ITGAX: variants seen among roughly 807,000 people sequenced by gnomAD.
ITGAX encodes integrin alpha-X.
In ITGAX, 99 loss-of-function variants were observed where a neutral mutation model predicts 140.2. That is an observed-to-expected ratio of 0.71 (90% confidence interval 0.60 to 0.83). The LOEUF is 0.83. Among genes scored for constraint, ITGAX ranks in the 40% least tolerant of loss-of-function variants. ITGAX has a pLI of 0.00. For missense variants in ITGAX, 1,444 were observed against 1,482.0 expected, an observed-to-expected ratio of 0.97 and a Z score of 0.42; for synonymous variants, 631 against 600.4, an observed-to-expected ratio of 1.05 and a Z score of -0.75.
At chr16:31,380,808 A>G in intron 28 of ITGAX, 89 bp from the exon 29 acceptor site, 3 of 1,311,094 alleles carry the variant, frequency 2.3e-6, no homozygotes, top group Non-Finnish European at 3.3e-6. Flanking sequence ...CTGGGGAAGG[A>G]GGGGAGGGAG....
At chr16:31,361,726 C>A in intron 9 of ITGAX, 110 bp from the exon 10 acceptor site, 1 of 1,198,520 alleles carries the variant, frequency 8.3e-7, no homozygotes, top group Non-Finnish European at 1.2e-6. Flanking sequence ...GTCACAGGCA[C>A]CAGCTCTCCC....
intron 19 of ITGAX, 148 bp from the exon 20 acceptor site, chr16:31,373,101 A>AAG: frequency 4.2e-6 from 2 of 479,812 alleles, no homozygotes; most frequent in South Asian, 4.8e-5. Flanking sequence ...TCTTAAAAAA[A>AAG]AAGAAGAAGA....
At chr16:31,363,479 C>A in intron 14 of ITGAX, 105 bp downstream of exon 14, 1 of 1,312,750 alleles carries the variant, frequency 7.6e-7, no homozygotes, top group Non-Finnish European at 1.1e-6. Flanking sequence ...ACCTCCCTTG[C>A]CCAGCTCTGA....
Position 31,372,527 on chromosome 16 carries a change from G to C in ITGAX, c.2292+18G>C, listed in dbSNP as rs2080979054. 2 of 1,611,552 alleles carry C rather than the reference G, an allele frequency of 1.2e-6. No individual in the cohort carries two copies. The highest frequency in any genetic ancestry group is 4.5e-5 in the East Asian group (2 of 44,834). ...CGGCCTCCGTGAGTCCTGGCACTGG[G>C]TCTCCCAGAGAGGGTGCACAGCGTG... On this transcript the variant is annotated intron_variant, in intron 18 of 29. Coordinates refer to ENST00000268296, the MANE Select transcript of ITGAX (RefSeq NM_000887.5).
At position 31,363,194 on chromosome 16, in the gene ITGAX, C is replaced by G. The variant is rs2080855177; in HGVS notation, c.1530C>G (p.Leu510=). 1.2e-6 allele frequency: 2 copies of G among 1,611,898 alleles called. No individual in the cohort carries two copies. Among genetic ancestry groups the G allele is most frequent in the Non-Finnish European group, 1.7e-6 (2 of 1,179,072 alleles). ...GAAGGTGGTGGTGTGATGCTGTTCT[C>G]TACGGGGAGCAGGGCCACCCCTGGG... ...GWRRWWCDAV[L]YGEQGHPWGR... Residue 510 remains leucine (L), a synonymous_variant, in exon 14 of 30, where the codon CTC becomes CTG. Coordinates refer to ENST00000268296, the MANE Select transcript of ITGAX (RefSeq NM_000887.5).
In ITGAX at chr16:31,357,258, C is replaced by CGGCTG; in HGVS notation, c.327_328insTGGGC (p.Pro110TrpfsTer48). ...GCAGCCCGCTGTGTCCCCAGGCCTG[C>CGGCTG]GGCCCCACCGTGCACCACGAGTGCG... On this transcript the variant is annotated frameshift_variant, in exon 5 of 30. Transcript: ENST00000268296. LOFTEE classifies it high-confidence loss of function. 1 of 1,601,062 alleles carries CGGCTG rather than the reference C, an allele frequency of 6.2e-7. No individual in the cohort carries two copies. Among genetic ancestry groups the CGGCTG allele is most frequent in the Non-Finnish European group, 8.5e-7 (1 of 1,173,928 alleles).
intron 20 of ITGAX, among the ~76,000 whole-genome samples, chr16:31,374,834 C>G (rs565059541): frequency 2.6e-5 from 4 of 152,196 alleles, no homozygotes; most frequent in Admixed American, 6.5e-5. Context: ...ACCCAATGTT[C>G]GTGTGTTGGA....
chr16:31,362,044 T>A (rs773448780), intron 10 of ITGAX, 31 bp from the exon 11 acceptor site: 1 of 1,613,934 alleles, frequency 6.2e-7, no homozygotes, highest in Admixed American at 1.7e-5. Context: ...TGCTCCGGCC[T>A]CTGCTCAGCC....
At chr16:31,375,158 G>A (rs2081008405) in intron 20 of ITGAX, among the ~76,000 whole-genome samples, 1 of 152,206 alleles carries the variant, frequency 6.6e-6, no homozygotes, top group South Asian at 2.1e-4. Flanking sequence ...TGGGATTACA[G>A]GTGCCCACTG....
intron 17 of ITGAX, 21 bp downstream of exon 17, chr16:31,371,805 G>A: frequency 6.2e-7 from 1 of 1,611,944 alleles, no homozygotes; most frequent in South Asian, 1.1e-5. Context: ...GCATGAACGT[G>A]GGTGGCGGCC....
At chr16:31,355,330 G>C (rs983516739) in intron 1 of ITGAX, 39 bp downstream of exon 1, 1 of 1,611,476 alleles carries the variant, frequency 6.2e-7, no homozygotes, top group African/African-American at 1.3e-5. Flanking sequence ...TGGGGACCCA[G>C]GCCCAAGGGA....
chr16:31,362,705 C>T lies in ITGAX; in HGVS notation c.1311C>T (p.Thr437=). The T allele has an allele frequency of 6.2e-7, 1 of 1,613,880 alleles. No homozygotes were observed. The highest frequency in any genetic ancestry group is 8.5e-7 in the Non-Finnish European group (1 of 1,179,892). ...YQHTGKAVIF[T]QVSRQWRMKA... The stretch of plus-strand genomic sequence containing the variant: ...ACACCGGGAAGGCTGTCATCTTCAC[C>T]CAGGTGTCCAGGCAATGGAGGATGA... The change falls in exon 12 of 30, where the codon ACC becomes ACT. Residue 437 remains threonine (T), a synonymous_variant. Transcript: ENST00000268296.
chr16:31,371,757 CTG>C lies in ITGAX; in HGVS notation c.2136_2137del (p.Cys712Ter), dbSNP rs2080964630. ...TCCGAGTCCTCGGGCTGAAGGCACA[CTG>C]TGAAAACTTCAACCTGCTGCTCCCG... is the stretch of plus-strand genomic sequence containing the variant. Reference protein sequence around the residue: ...RVRVLGLKAHCENFNLLLPSC... With the variant: ...RVRVLGLKAHXENFNLLLPSC... On this transcript the variant is annotated frameshift_variant, in exon 17 of 30. Coordinates refer to ENST00000268296, the MANE Select transcript of ITGAX (RefSeq NM_000887.5). LOFTEE classifies it high-confidence loss of function. The C allele has an allele frequency of 6.2e-7, 1 of 1,614,090 alleles. No individual in the cohort carries two copies. Among genetic ancestry groups the C allele is most frequent in the Non-Finnish European group, 8.5e-7 (1 of 1,180,034 alleles).
intron 8 of ITGAX, chr16:31,360,718 G>C: frequency 1.9e-6 from 1 of 525,278 alleles, no homozygotes; most frequent in South Asian, 2.4e-5. Context: ...GTCTTGCTAT[G>C]TTGCCCAGGC....
In ITGAX at chr16:31,362,107, C is replaced by T; in HGVS notation, c.1119C>T (p.Phe373=). ...CCGTTCTGGGGGCTGTGGGGAGCTT[C>T]ACCTGGTCTGGAGGTGCCTTCCTGT... ...DGPVLGAVGS[F]TWSGGAFLYP... The change falls in exon 11 of 30, where the codon TTC becomes TTT. Residue 373 remains phenylalanine (F), a synonymous_variant. Transcript: ENST00000268296. The T allele has an allele frequency of 1.9e-6, 3 of 1,614,148 alleles. No individual in the cohort carries two copies. The highest frequency in any genetic ancestry group is 1.7e-6 in the Non-Finnish European group (2 of 1,180,014).
chr16:31,372,276 C>T (rs1003818932), intron 17 of ITGAX, 102 bp from the exon 18 acceptor site: 18 of 1,407,234 alleles, frequency 1.3e-5, no homozygotes, highest in Middle Eastern at 2.6e-4. Context: ...AAGCTGAAGC[C>T]GCGCGGGAGC....
rs752193089 is a variant in ITGAX, at chr16:31,371,615, T to G, written c.2006-15T>G. On this transcript the variant is annotated splice_polypyrimidine_tract_variant and intron_variant, in intron 16 of 29. Coordinates refer to ENST00000268296, the MANE Select transcript of ITGAX (RefSeq NM_000887.5). ...GGAGTTCCTGTCTCAACGCCGTCCC[T>G]GCGACCGCCTACAGGTGACCTCCAA... is the stretch of plus-strand genomic sequence containing the variant. 1.2e-6 allele frequency: 2 copies of G among 1,613,774 alleles called. No homozygotes were observed. The highest frequency in any genetic ancestry group is 4.5e-5 in the East Asian group (2 of 44,862).
At chr16:31,372,081 T>C (rs1227178692) in intron 17 of ITGAX, among the ~76,000 whole-genome samples, 1 of 151,862 alleles carries the variant, frequency 6.6e-6, no homozygotes, top group East Asian at 1.9e-4. Context: ...GACAGGGGTT[T>C]ATCGAGCTGC....
In ITGAX at chr16:31,357,745, G is replaced by A. The variant is rs188595974; in HGVS notation, c.430+381G>A. On this transcript the variant is annotated intron_variant, in intron 5 of 29. Transcript: ENST00000268296. Reference sequence around the variant, plus strand: ...GAGAGGATCTATTTTCATCCAATGGGTCCTGGGATATGACCAATTGGTTTG... The same window carrying A: ...GAGAGGATCTATTTTCATCCAATGGATCCTGGGATATGACCAATTGGTTTG... 1.3e-4 allele frequency: 58 copies of A among 431,522 alleles called. No individual in the cohort carries two copies. The East Asian group carries it at 2.0e-3, about 15-fold the overall frequency. The allele number at this position is 431,522 out of a possible 1,614,324, so 26.7% of individuals were successfully genotyped here.
Sources: gnomAD v4.1 joint callset for allele counts (sites outside exome capture counted in the v4.1 genomes callset) on GRCh38, gnomAD v4.1.1 for gene constraint, MANE v1.5 for transcripts, NCBI Gene and HGNC (gene_info 2026-07-23, HGNC 2026-07-21) for gene names.